Variants in ATPSCKMT observed in about 807,000 individuals in gnomAD.
The protein encoded by ATPSCKMT is ATP synthase subunit C lysine N-methyltransferase.
In ATPSCKMT, 24 loss-of-function variants were observed where a neutral mutation model predicts 24.3. That is an observed-to-expected ratio of 0.99 (90% CI 0.71 to 1.39). ATPSCKMT has a LOEUF of 1.39. Among genes scored for constraint, ATPSCKMT ranks in the 40% most tolerant of loss-of-function variants. The pLI, the probability that ATPSCKMT is intolerant of heterozygous loss-of-function variation, is 0.00. For synonymous variants in ATPSCKMT, 95 were observed against 110.5 expected (o/e 0.86, Z 0.88); for missense variants, 311 against 298.4 (o/e 1.04, Z -0.31).
At position 10,235,226 on chromosome 5, in the gene ATPSCKMT, G is replaced by A. The variant is rs758685178; in HGVS notation, c.480C>T (p.Phe160=). ...TFSQYSNVVI[F]GVPQMMLQLE... Reference sequence around the variant, plus strand: ...GCATACTCACCATCTGAGGCACACCGAAAATAACAACGTTCGAGTACTGCG... The same window carrying A: ...GCATACTCACCATCTGAGGCACACCAAAAATAACAACGTTCGAGTACTGCG... Residue 160 remains phenylalanine, a synonymous_variant, in exon 4 of 5, where the codon TTC becomes TTT. Transcript: ENST00000511437. The A allele has an allele frequency of 2.8e-5, 45 of 1,613,620 alleles. No individual in the cohort carries two copies. The highest frequency in any genetic ancestry group is 6.7e-5 in the East Asian group (3 of 44,872).
intron 4 of ATPSCKMT, among the ~76,000 whole-genome samples, chr5:10,229,412 G>A (rs1339018082): frequency 6.6e-6 from 1 of 152,196 alleles, no homozygotes; most frequent in Non-Finnish European, 1.5e-5. Context: ...CTGTGAAGCT[G>A]TGAACTTACC....
Position 10,239,184 on chromosome 5 carries a change from A to C in ATPSCKMT, c.189T>G (p.Leu63=). The C allele has an allele frequency of 6.2e-7, 1 of 1,614,228 alleles. No homozygotes were observed. The highest frequency in any genetic ancestry group is 1.1e-5 in the South Asian group (1 of 91,082). Reference sequence around the variant, plus strand: ...GTACAAACGGCAAACAGACTTTTCGAAGGGCTGGCGTTACAAACGGCGTGG... The same window carrying C: ...GTACAAACGGCAAACAGACTTTTCGCAGGGCTGGCGTTACAAACGGCGTGG... The part of the protein sequence containing the change: ...AVATPFVTPA[L]RKVCLPFVPA... The change falls in exon 2 of 5, where the codon CTT becomes CTG. Residue 63 remains leucine, a synonymous_variant. Coordinates refer to ENST00000511437, the MANE Select transcript of ATPSCKMT (RefSeq NM_199133.4).
rs1174268973 is a variant in ATPSCKMT at position 10,227,337 on chromosome 5, T to C, written c.*104A>G. On this transcript the variant is annotated 3_prime_UTR_variant, in exon 5 of 5. Transcript: ENST00000511437. ...TAAGGAAAGTAATAGTAATTTCTCATTCCAAACCAAAGACAATTATGCTCC... is the reference window on the plus strand; with the variant it reads ...TAAGGAAAGTAATAGTAATTTCTCACTCCAAACCAAAGACAATTATGCTCC... 8.1e-7 allele frequency: 1 copy of C among 1,233,984 alleles called. No individual in the cohort carries two copies. Among genetic ancestry groups the C allele is most frequent in the Non-Finnish European group, 1.1e-6 (1 of 877,056 alleles). 76.4% of individuals were successfully genotyped at this position (1,233,984 alleles called of 1,614,324 possible).
chr5:10,235,835 C>G (rs1336383785), intron 3 of ATPSCKMT, among the ~76,000 whole-genome samples: 1 of 152,114 alleles, frequency 6.6e-6, no homozygotes, highest in Non-Finnish European at 1.5e-5. Context: ...GTCTTATTTA[C>G]TCTATAGAGA....
rs1460825058 is a variant in ATPSCKMT, at chr5:10,239,305, G to C, written c.68C>G (p.Pro23Arg). 6.2e-7 allele frequency: 1 copy of C among 1,614,058 alleles called. No individual in the cohort carries two copies. The highest frequency in any genetic ancestry group is 8.5e-7 in the Non-Finnish European group (1 of 1,180,040). ...KEESQSRHVL[P>R]ASFEVNSLQK... ...CAAACTGTTGACTTCAAAACTTGCAGGTAGAACATGTCTTGACTGACTTTC... is the reference window on the plus strand; with the variant it reads ...CAAACTGTTGACTTCAAAACTTGCACGTAGAACATGTCTTGACTGACTTTC... Residue 23 changes from proline (P) to arginine (R), a missense_variant, in exon 2 of 5, where the codon CCT (proline) becomes CGT (arginine). Transcript: ENST00000511437.
chr5:10,246,724 T>C (rs1223230482), intron 1 of ATPSCKMT, among the ~76,000 whole-genome samples: 1 of 152,218 alleles, frequency 6.6e-6, no homozygotes, highest in Non-Finnish European at 1.5e-5. Flanking sequence ...TGTGTAGATA[T>C]GTACCTTTCA....
intron 3 of ATPSCKMT, among the ~76,000 whole-genome samples, chr5:10,235,571 T>G (rs1744338039): frequency 1.3e-5 from 2 of 152,228 alleles, no homozygotes; most frequent in African/African-American, 2.4e-5. Context: ...GTGACCACAC[T>G]GTGACCCCAC....
chr5:10,236,746 T>G, intron 2 of ATPSCKMT, 131 bp from the exon 3 acceptor site: 1 of 1,462,454 alleles, frequency 6.8e-7, no homozygotes. Context: ...AAGACATCAT[T>G]TTAAAATGTG....
intron 4 of ATPSCKMT, among the ~76,000 whole-genome samples, chr5:10,228,154 C>T (rs1310545125): frequency 1.3e-5 from 2 of 152,110 alleles, no homozygotes; most frequent in East Asian, 1.9e-4. Flanking sequence ...CACATTTTTG[C>T]ACATTTTTAA....
At chr5:10,244,945 T>C (rs150400186) in intron 1 of ATPSCKMT, among the ~76,000 whole-genome samples, 3 of 151,950 alleles carry the variant, frequency 2.0e-5, no homozygotes, top group Admixed American at 6.6e-5. Context: ...GGCACATTTG[T>C]ACATGTGTCA....
At chr5:10,236,301 T>C in intron 3 of ATPSCKMT, 177 bp downstream of exon 3, 3 of 619,954 alleles carry the variant, frequency 4.8e-6, no homozygotes, top group Non-Finnish European at 7.2e-6. Context: ...TTTAAGCTTC[T>C]CTCTAAAGGA....
chr5:10,228,035 G>C (rs1405098756), intron 4 of ATPSCKMT, among the ~76,000 whole-genome samples: 2 of 152,076 alleles, frequency 1.3e-5, no homozygotes, highest in East Asian at 3.8e-4. Context: ...TAAGAGAGAG[G>C]GGTCTTGTTA....
Position 10,226,513 on chromosome 5 carries a change from A to G in ATPSCKMT, c.*928T>C, listed in dbSNP as rs550066464. On this transcript the variant is annotated 3_prime_UTR_variant, in exon 5 of 5. Transcript: ENST00000511437. ...ACAGATATATGAAGCTTGTCTACTCACGTTCAAAGGTTTTCCTTAATTCGT... is the reference window on the plus strand; with the variant it reads ...ACAGATATATGAAGCTTGTCTACTCGCGTTCAAAGGTTTTCCTTAATTCGT... 5 of 152,346 alleles carry G rather than the reference A, an allele frequency of 3.3e-5. No homozygotes were observed. In the East Asian group the frequency reaches 9.6e-4, roughly 29 times the overall value. 9.4% of individuals were successfully genotyped at this position (152,346 alleles called of 1,614,324 possible).
At chr5:10,241,382 G>C (rs183388259) in intron 1 of ATPSCKMT, among the ~76,000 whole-genome samples, 1 of 152,100 alleles carries the variant, frequency 6.6e-6, no homozygotes. Context: ...CATGAACTAC[G>C]GCAATCTATT....
intron 1 of ATPSCKMT, among the ~76,000 whole-genome samples, chr5:10,239,564 G>A (rs1216410934): frequency 6.6e-6 from 1 of 152,120 alleles, no homozygotes. Flanking sequence ...AATACTATGA[G>A]AAGACTAAAA....
At chr5:10,241,572 G>A (rs890959628) in intron 1 of ATPSCKMT, among the ~76,000 whole-genome samples, 5 of 152,210 alleles carry the variant, frequency 3.3e-5, no homozygotes, top group Admixed American at 6.5e-5. Flanking sequence ...GAACTGGGTC[G>A]GCGGAGGGGG....
At chr5:10,236,403 GT>G in intron 3 of ATPSCKMT, 74 bp downstream of exon 3, 1 of 1,504,626 alleles carries the variant, frequency 6.6e-7, no homozygotes, top group Admixed American at 2.1e-5. Context: ...ACATTTTTCA[GT>G]TCTCAGTCAT....
At position 10,227,662 on chromosome 5, in the gene ATPSCKMT, A is replaced by C. The variant is rs375841500; in HGVS notation, c.496-15T>G. The C allele has an allele frequency of 1.9e-6, 3 of 1,613,304 alleles. No homozygotes were observed. The East Asian group carries it at 6.7e-5, about 36-fold the overall frequency. On this transcript the variant is annotated splice_polypyrimidine_tract_variant and intron_variant, in intron 4 of 4. Coordinates refer to ENST00000511437, the MANE Select transcript of ATPSCKMT (RefSeq NM_199133.4). ...AACTGCAGCATCTGTGGAGAGTAAC[A>C]GCTATTATTTTAGTGAGCAGTGAGT...
intron 1 of ATPSCKMT, chr5:10,249,595 G>T: frequency 2.2e-6 from 1 of 461,058 alleles, no homozygotes; most frequent in Non-Finnish European, 3.8e-6. Context: ...CCTTAAGATC[G>T]TGCCAAAGGC....
Sources: allele counts gnomAD v4.1 joint callset (sites outside exome capture counted in the v4.1 genomes callset), GRCh38; gene constraint gnomAD v4.1.1; transcripts MANE v1.5; gene names NCBI Gene and HGNC (gene_info 2026-07-23, HGNC 2026-07-21).